NAV3: variants seen among roughly 807,000 people sequenced by gnomAD.
The protein encoded by NAV3 is pore membrane and/or filament interacting like protein 1.
A neutral mutation model predicts 244.7 loss-of-function variants in NAV3; 87 were observed. The ratio of observed to expected loss-of-function variants is 0.36; its 90% CI spans 0.30 to 0.42. The LOEUF is 0.42. Ranked by LOEUF, NAV3 falls within the 20% of genes least tolerant of loss-of-function variation. The pLI is 1.00. For missense variants in NAV3, 2,663 were observed against 2,893.3 expected, an observed-to-expected ratio of 0.92 and a Z score of 1.83; for synonymous variants, 1,126 against 1,042.2, an observed-to-expected ratio of 1.08 and a Z score of -1.55.
chr12:78,043,415 A>C (rs1228897065), intron 9 of NAV3, among the ~76,000 whole-genome samples: 1 of 152,202 alleles, frequency 6.6e-6, no homozygotes, highest in Non-Finnish European at 1.5e-5. Flanking sequence ...TCTTTATAAT[A>C]GAATGATTTA....
chr12:77,720,827 C>T (rs1015754643), intron 2 of NAV3, among the ~76,000 whole-genome samples: 4 of 152,076 alleles, frequency 2.6e-5, no homozygotes, highest in African/African-American at 9.7e-5. Flanking sequence ...GGAGTGTGTC[C>T]ATGTACTATT....
intron 5 of NAV3, among the ~76,000 whole-genome samples, chr12:77,985,911 T>TA (rs1440142620): frequency 6.6e-6 from 1 of 152,222 alleles, no homozygotes; most frequent in African/African-American, 2.4e-5. Flanking sequence ...CACTCTTACA[T>TA]ATCTAAGGAA....
At chr12:77,883,977 A>G (rs1882982746) in intron 1 of NAV3, among the ~76,000 whole-genome samples, 2 of 152,172 alleles carry the variant, frequency 1.3e-5, no homozygotes, top group Admixed American at 6.6e-5. Context: ...TTATCCTGTT[A>G]TAATTTAAAA....
chr12:78,172,901 G>T (rs1485261098), intron 24 of NAV3, among the ~76,000 whole-genome samples: 2 of 151,496 alleles, frequency 1.3e-5, no homozygotes, highest in Non-Finnish European at 1.5e-5. Flanking sequence ...TGATGATGAA[G>T]TTTGCCTTTT....
intron 22 of NAV3, among the ~76,000 whole-genome samples, chr12:78,149,317 G>A (rs1171659717): frequency 6.6e-6 from 1 of 152,030 alleles, no homozygotes; most frequent in African/African-American, 2.4e-5. Flanking sequence ...TGAACAATTT[G>A]TTAAGCATCC....
chr12:78,114,128 A>G (rs1251403868), intron 12 of NAV3, among the ~76,000 whole-genome samples: 1 of 152,118 alleles, frequency 6.6e-6, no homozygotes, highest in Non-Finnish European at 1.5e-5. Flanking sequence ...CCTCATCTCC[A>G]TCTGAGACCA....
chr12:78,088,331 T>C (rs1953742388), intron 12 of NAV3, among the ~76,000 whole-genome samples: 2 of 152,154 alleles, frequency 1.3e-5, no homozygotes, highest in South Asian at 4.2e-4. Flanking sequence ...GTCTTTTCCT[T>C]CCAAATATGT....
chr12:78,087,442 A>G (rs1953696279), intron 12 of NAV3, among the ~76,000 whole-genome samples: 1 of 152,052 alleles, frequency 6.6e-6, no homozygotes, highest in South Asian at 2.1e-4. Flanking sequence ...ACCCCAAAGC[A>G]TCTAGATGTT....
intron 5 of NAV3, among the ~76,000 whole-genome samples, chr12:77,979,712 G>GAAAA (rs150656996): frequency 1.6e-5 from 2 of 121,644 alleles, no homozygotes; most frequent in African/African-American, 6.0e-5. Context: ...AAAAAAAAAA[G>GAAAA]AAAAAAAAAA....
At chr12:78,207,803 G>A (rs1960479027) in intron 39 of NAV3, among the ~76,000 whole-genome samples, 1 of 152,118 alleles carries the variant, frequency 6.6e-6, no homozygotes, top group Non-Finnish European at 1.5e-5. Flanking sequence ...AGACAGTGGA[G>A]AACTGTCAAA....
chr12:77,732,628 A>G lies in NAV3; in HGVS notation c.72+160362A>G, dbSNP rs544458540. 3.3e-5 allele frequency among the ~76,000 whole-genome samples: 5 copies of G among 152,090 alleles called. No homozygotes were observed. The South Asian group carries it at 8.3e-4, about 25-fold the overall frequency. Reference sequence around the variant, plus strand: ...ATTGTCTCACCTGAGACTCACTACAACCCTGCGTGGCACAAATTGTTTTCA... The same window carrying G: ...ATTGTCTCACCTGAGACTCACTACAGCCCTGCGTGGCACAAATTGTTTTCA... On this transcript the variant is annotated intron_variant, in intron 2 of 8. Coordinates refer to the NAV3 transcript ENST00000550042.
At chr12:77,787,447 A>G (rs1397649130) in intron 2 of NAV3, among the ~76,000 whole-genome samples, 1 of 152,122 alleles carries the variant, frequency 6.6e-6, no homozygotes, top group African/African-American at 2.4e-5. Flanking sequence ...GGCTGGGGAG[A>G]CCTCAGGAAA....
At chr12:77,935,292 C>T (rs1889217179) in intron 1 of NAV3, among the ~76,000 whole-genome samples, 1 of 151,842 alleles carries the variant, frequency 6.6e-6, no homozygotes, top group Non-Finnish European at 1.5e-5. Context: ...GTTGTTTCTT[C>T]ATAGCAGGTT....
At chr12:78,026,020 CCT>C (rs1877995597) in intron 9 of NAV3, among the ~76,000 whole-genome samples, 1 of 152,130 alleles carries the variant, frequency 6.6e-6, no homozygotes, top group African/African-American at 2.4e-5. Context: ...TCATGTATCC[CCT>C]CTGTTTTCCT....
At chr12:77,687,026 G>A (rs1874785750) in intron 2 of NAV3, among the ~76,000 whole-genome samples, 1 of 151,740 alleles carries the variant, frequency 6.6e-6, no homozygotes, top group Non-Finnish European at 1.5e-5. Flanking sequence ...TAGCTTCTGG[G>A]CAAGTTATAT....
At chr12:78,032,519 A>G (rs1245872867) in intron 9 of NAV3, among the ~76,000 whole-genome samples, 1 of 152,168 alleles carries the variant, frequency 6.6e-6, no homozygotes, top group African/African-American at 2.4e-5. Context: ...TAAGTACGTC[A>G]CTTAAATTTG....
chr12:78,120,018 A>ATG, intron 15 of NAV3, 73 bp downstream of exon 15: 1 of 1,098,026 alleles, frequency 9.1e-7, no homozygotes, highest in Non-Finnish European at 1.3e-6. Flanking sequence ...TTACATATAA[A>ATG]TGTGTGTATA....
At chr12:78,098,788 G>A (rs560618805) in intron 12 of NAV3, among the ~76,000 whole-genome samples, 42 of 151,616 alleles carry the variant, frequency 2.8e-4, no homozygotes, top group Admixed American at 1.1e-3. Context: ...ATACACAAAG[G>A]ACATTGACAA....
intron 1 of NAV3, among the ~76,000 whole-genome samples, chr12:77,936,961 T>A (rs1215038512): frequency 6.6e-6 from 1 of 152,194 alleles, no homozygotes; most frequent in Non-Finnish European, 1.5e-5. Context: ...GTATATAATA[T>A]TTTAAAATAT....
Sources: allele counts gnomAD v4.1 joint callset (sites outside exome capture counted in the v4.1 genomes callset), GRCh38; gene constraint gnomAD v4.1.1; transcripts MANE v1.5; gene names NCBI Gene and HGNC (gene_info 2026-07-23, HGNC 2026-07-21).